TSGA10: variants seen among roughly 807,000 people sequenced by gnomAD.
The protein encoded by TSGA10 is testis specific 10, also known as testis-specific gene 10 protein.
A neutral mutation model predicts 96.6 loss-of-function variants in TSGA10; 43 were observed. That is an observed-to-expected ratio of 0.44 (90% CI 0.35 to 0.57). TSGA10 has a LOEUF of 0.57. TSGA10 is among the 20% of genes least tolerant of loss of function. The pLI is 0.01. For synonymous variants in TSGA10, 229 were observed against 269.9 expected (o/e 0.85, Z 1.48); for missense variants, 703 against 834.4 (o/e 0.84, Z 1.94).
chr2:99,078,046 C>T (rs186397673), intron 12 of TSGA10, among the ~76,000 whole-genome samples: 3 of 150,700 alleles, frequency 2.0e-5, no homozygotes, highest in Admixed American at 6.6e-5. Context: ...CTGAGGTGGG[C>T]GGATCACGAG....
intron 12 of TSGA10, among the ~76,000 whole-genome samples, chr2:99,074,029 T>TTTTTTTTTTTTTTTTTTTTTG (rs1241657890): frequency 2.2e-5 from 3 of 136,800 alleles, no homozygotes; most frequent in African/African-American, 5.7e-5. Flanking sequence ...TTTTTTTTTT[T>TTTTTTTTTTTTTTTTTTTTTG]GAGATGGAGT....
intron 17 of TSGA10, among the ~76,000 whole-genome samples, chr2:99,035,027 T>C (rs1235693769): frequency 6.6e-6 from 1 of 152,204 alleles, no homozygotes; most frequent in Non-Finnish European, 1.5e-5. Flanking sequence ...GCAAATTACA[T>C]GCTCAAAGGA....
intron 10 of TSGA10, among the ~76,000 whole-genome samples, chr2:99,083,000 GA>G (rs1303957129): frequency 1.3e-5 from 2 of 151,688 alleles, no homozygotes; most frequent in African/African-American, 2.4e-5. Context: ...GTAAACTGGG[GA>G]AAAAAACAGA....
chr2:99,077,218 G>A (rs1316017212), intron 12 of TSGA10, among the ~76,000 whole-genome samples: 1 of 123,568 alleles, frequency 8.1e-6, no homozygotes, highest in Admixed American at 1.1e-4. Flanking sequence ...TAGGCTCACT[G>A]CAACCTCCAC....
intron 10 of TSGA10, chr2:99,102,086 G>C (rs1187206272): frequency 6.7e-7 from 1 of 1,484,512 alleles, no homozygotes. Flanking sequence ...TCTCTGAGCA[G>C]AAAGAAAAGT....
chr2:99,077,877 A>T (rs1262545308), intron 12 of TSGA10, among the ~76,000 whole-genome samples: 1 of 151,730 alleles, frequency 6.6e-6, no homozygotes, highest in Non-Finnish European at 1.5e-5. Context: ...GCGGCCGGCA[A>T]CATCTTTTTT....
intron 12 of TSGA10, among the ~76,000 whole-genome samples, chr2:99,074,351 CGTGT>C (rs147220063): frequency 9.9e-4 from 143 of 145,120 alleles, no homozygotes; most frequent in Middle Eastern, 3.5e-3. Flanking sequence ...CACATATTTG[CGTGT>C]GTGTGTGTGT....
At chr2:99,064,328 A>G (rs1022440888) in intron 16 of TSGA10, among the ~76,000 whole-genome samples, 2 of 152,222 alleles carry the variant, frequency 1.3e-5, no homozygotes, top group Admixed American at 6.5e-5. Context: ...AAAGCAGTAC[A>G]CTATATATAT....
intron 1 of TSGA10, among the ~76,000 whole-genome samples, chr2:99,134,947 C>T (rs756592412): frequency 6.6e-6 from 1 of 152,306 alleles, no homozygotes; most frequent in Non-Finnish European, 1.5e-5. Context: ...AAGATTGCTG[C>T]CTGTTTCTTC....
chr2:99,036,745 T>C (rs188458214), intron 16 of TSGA10, among the ~76,000 whole-genome samples: 1 of 152,132 alleles, frequency 6.6e-6, no homozygotes, highest in Non-Finnish European at 1.5e-5. Flanking sequence ...GAAAACAAGA[T>C]CTACTTATTT....
Position 99,004,424 on chromosome 2 carries a change from G to A in TSGA10, c.2073-6203C>T, listed in dbSNP as rs2078274302. Among the ~76,000 whole-genome samples, 4 of 150,402 alleles carry A rather than the reference G, an allele frequency of 2.7e-5. No homozygotes were observed. The Admixed American group carries it at 2.7e-4, about 10-fold the overall frequency. On this transcript the variant is annotated intron_variant, in intron 20 of 20. Coordinates refer to ENST00000393483, the MANE Select transcript of TSGA10 (RefSeq NM_025244.4). ...AACTATTCCAATCAATAGAAAAAGA[G>A]GGAATCCAGATGCAATAAAAAATGA...
At chr2:99,110,097 G>A (rs567721839) in intron 5 of TSGA10, among the ~76,000 whole-genome samples, 14 of 152,288 alleles carry the variant, frequency 9.2e-5, no homozygotes, top group Admixed American at 3.3e-4. Flanking sequence ...CCCGGGAGGC[G>A]GAGGTTGTGG....
chr2:99,061,668 A>C (rs1321187619), intron 16 of TSGA10, among the ~76,000 whole-genome samples: 1 of 152,218 alleles, frequency 6.6e-6, no homozygotes, highest in Non-Finnish European at 1.5e-5. Flanking sequence ...GAAAACTTAC[A>C]TGAACGCAAA....
At chr2:99,140,943 G>T in intron 1 of TSGA10, 1 of 485,446 alleles carries the variant, frequency 2.1e-6, no homozygotes, top group Non-Finnish European at 3.1e-6. Flanking sequence ...GCCCCTCACA[G>T]CCGCTCCCGC....
At chr2:99,000,345 G>GA (rs146211344) in intron 20 of TSGA10, among the ~76,000 whole-genome samples, 225 of 142,590 alleles carry the variant, frequency 1.6e-3, no homozygotes, top group Non-Finnish European at 2.2e-3. Flanking sequence ...CGTCTCTACT[G>GA]AAAAAAAAAA....
intron 16 of TSGA10, among the ~76,000 whole-genome samples, chr2:99,056,223 A>C (rs75034183): frequency 0.018 from 2,746 of 152,174 alleles, 84 homozygotes; most frequent in African/African-American, 0.063. Context: ...AAAGAAAATA[A>C]CAATAGTCAA....
intron 17 of TSGA10, among the ~76,000 whole-genome samples, chr2:99,034,251 AATC>A: frequency 6.6e-6 from 1 of 151,912 alleles, no homozygotes; most frequent in East Asian, 1.9e-4. Flanking sequence ...AAAATACAAA[AATC>A]AGCCAGGTGT....
intron 4 of TSGA10, among the ~76,000 whole-genome samples, chr2:99,113,226 T>C (rs958782049): frequency 3.9e-5 from 6 of 152,114 alleles, no homozygotes; most frequent in African/African-American, 1.4e-4. Flanking sequence ...GGAGCTTAAT[T>C]TCCCTCCCCT....
intron 10 of TSGA10, among the ~76,000 whole-genome samples, chr2:99,092,253 C>T (rs1191671331): frequency 6.6e-6 from 1 of 151,994 alleles, no homozygotes; most frequent in Non-Finnish European, 1.5e-5. Flanking sequence ...AGTGACACAA[C>T]CTATCAAAAC....
Sources: allele counts gnomAD v4.1 joint callset (sites outside exome capture counted in the v4.1 genomes callset), GRCh38; gene constraint gnomAD v4.1.1; transcripts MANE v1.5; gene names NCBI Gene and HGNC (gene_info 2026-07-23, HGNC 2026-07-21).